Variants in MSH4 observed in about 807,000 individuals in gnomAD.
MSH4 encodes mutS protein homolog 4.
MSH4 carries 106 observed loss-of-function variants against 113.7 expected under a neutral mutation model. The ratio of observed to expected loss-of-function variants is 0.93; its 90% CI spans 0.80 to 1.10. MSH4 has a LOEUF of 1.10. Ranked by LOEUF, MSH4 falls within the 50% of genes least tolerant of loss-of-function variation. The probability of loss-of-function intolerance (pLI) is 0.00; values close to 1 mark genes in which losing one functional copy is unlikely to be tolerated. For missense variants in MSH4, 1,061 were observed against 1,093.7 expected, an observed-to-expected ratio of 0.97 and a Z score of 0.42; for synonymous variants, 368 against 380.2, an observed-to-expected ratio of 0.97 and a Z score of 0.37.
At chr1:75,811,829 A>G (rs942583321) in intron 4 of MSH4, among the ~76,000 whole-genome samples, 20 of 152,218 alleles carry the variant, frequency 1.3e-4, no homozygotes, top group Non-Finnish European at 2.1e-4. Flanking sequence ...TTGGAGTCCA[A>G]TGAGTTCCTT....
chr1:75,907,587 G>T (rs1652686811), intron 19 of MSH4, among the ~76,000 whole-genome samples: 1 of 148,794 alleles, frequency 6.7e-6, no homozygotes, highest in African/African-American at 2.5e-5. Flanking sequence ...CTTTAAATAG[G>T]CATTCTACTC....
chr1:75,857,114 T>G (rs1465637677), intron 8 of MSH4, among the ~76,000 whole-genome samples: 1 of 152,216 alleles, frequency 6.6e-6, no homozygotes, highest in Admixed American at 6.5e-5. Flanking sequence ...TCATATCCTT[T>G]GCCCATTTTT....
intron 15 of MSH4, among the ~76,000 whole-genome samples, chr1:75,884,935 G>A (rs1652029303): frequency 1.3e-5 from 2 of 149,816 alleles, no homozygotes; most frequent in South Asian, 4.2e-4. Flanking sequence ...ATTTGAATTA[G>A]CTATGAGGAG....
intron 7 of MSH4, among the ~76,000 whole-genome samples, chr1:75,824,963 A>G (rs1395529094): frequency 2.5e-5 from 3 of 121,364 alleles, no homozygotes; most frequent in East Asian, 4.7e-4. Flanking sequence ...TTCATTCCAT[A>G]TGAAATTTAA....
intron 19 of MSH4, among the ~76,000 whole-genome samples, chr1:75,909,173 T>C (rs913520756): frequency 6.6e-6 from 1 of 152,176 alleles, no homozygotes; most frequent in Non-Finnish European, 1.5e-5. Context: ...GGAAGCTGGC[T>C]ATCCACCTCA....
chr1:75,828,867 G>T (rs1016156372), intron 7 of MSH4, among the ~76,000 whole-genome samples: 1 of 152,160 alleles, frequency 6.6e-6, no homozygotes, highest in Non-Finnish European at 1.5e-5. Context: ...GCTCCAGTCT[G>T]CAGCTCCCAG....
chr1:75,885,866 TATGTATTATATAGTATATATTATATATG>T (rs1446158657), intron 15 of MSH4, among the ~76,000 whole-genome samples: 7 of 129,518 alleles, frequency 5.4e-5, no homozygotes, highest in Admixed American at 9.0e-5. Context: ...TAATGTATTA[TATGTATTATATAGTATATATTATATATG>T]ATGTATTATT....
intron 1 of MSH4, among the ~76,000 whole-genome samples, 198 bp from the exon 2 acceptor site, chr1:75,803,533 C>T (rs1649986756): frequency 6.6e-6 from 1 of 152,064 alleles, no homozygotes; most frequent in Non-Finnish European, 1.5e-5. Flanking sequence ...AGGAGGATCA[C>T]TTGAACTTGG....
At chr1:75,828,970 A>G (rs1570953147) in intron 7 of MSH4, among the ~76,000 whole-genome samples, 1 of 151,994 alleles carries the variant, frequency 6.6e-6, no homozygotes, top group South Asian at 2.1e-4. Context: ...GGTACAGCCC[A>G]TGGAGCAGGG....
chr1:75,796,892 C>G lies in MSH4; in HGVS notation c.-94C>G. 3 of 1,562,740 alleles carry G rather than the reference C, an allele frequency of 1.9e-6. No individual in the cohort carries two copies. Among genetic ancestry groups the G allele is most frequent in the East Asian group, 2.2e-5 (1 of 44,496 alleles). ...GCTTAGTGCGTCGGCGCGCAGTTCTCCCGCCCGTTTCAGCGGCGCAGCTTC... is the reference window on the plus strand; with the variant it reads ...GCTTAGTGCGTCGGCGCGCAGTTCTGCCGCCCGTTTCAGCGGCGCAGCTTC... On this transcript the variant is annotated 5_prime_UTR_variant, in exon 1 of 20. Coordinates refer to ENST00000263187, the MANE Select transcript of MSH4 (RefSeq NM_002440.4).
chr1:75,817,226 ACTT>A (rs983301454), intron 6 of MSH4, among the ~76,000 whole-genome samples: 1 of 152,192 alleles, frequency 6.6e-6, no homozygotes, highest in African/African-American at 2.4e-5. Flanking sequence ...GGGTAAAGGA[ACTT>A]AATAGACATT....
rs536904837 is a variant in MSH4 at position 75,799,278 on chromosome 1, A to T, written c.244+2049A>T. ...TCCTCACAATAATTTTGCAGAGTAG[A>T]TTTTTTTTTTGTTCCTGTTTTACAG... On this transcript the variant is annotated intron_variant, in intron 1 of 19. Transcript: ENST00000263187. Among the ~76,000 whole-genome samples the T allele has an allele frequency of 2.5e-3, 374 of 150,380 alleles. 1 individual carries two copies. The highest frequency in any genetic ancestry group is 8.6e-3 in the African/African-American group (352 of 41,048).
chr1:75,838,515 G>A (rs1650881776), intron 7 of MSH4, among the ~76,000 whole-genome samples: 2 of 152,140 alleles, frequency 1.3e-5, no homozygotes, highest in Admixed American at 1.3e-4. Flanking sequence ...GGGTCTGGGG[G>A]AGGGTGGTGG....
Position 75,905,486 on chromosome 1 carries a change from C to T in MSH4, c.2619+5780C>T, listed in dbSNP as rs539471219. Among the ~76,000 whole-genome samples, 27 of 152,138 alleles carry T rather than the reference C, an allele frequency of 1.8e-4. No homozygotes were observed. In the East Asian group the frequency reaches 5.2e-3, roughly 29 times the overall value. On this transcript the variant is annotated intron_variant, in intron 19 of 19. Transcript: ENST00000263187. ...CCTAATGTATTGTTTATCCTGGAGA[C>T]TGTTTCATGTGATGATGAGAAGAAT... is the stretch of plus-strand genomic sequence containing the variant.
intron 15 of MSH4, among the ~76,000 whole-genome samples, chr1:75,885,499 T>C (rs1175805112): frequency 3.3e-5 from 3 of 89,630 alleles, no homozygotes; most frequent in Non-Finnish European, 7.0e-5. Flanking sequence ...TGGGTACATA[T>C]ATATATACAT....
intron 17 of MSH4, among the ~76,000 whole-genome samples, chr1:75,892,296 A>T (rs138256071): frequency 1.4e-3 from 220 of 152,242 alleles, no homozygotes; most frequent in African/African-American, 5.2e-3. Flanking sequence ...AGCCCATTTT[A>T]GACCTTGGTA....
intron 4 of MSH4, among the ~76,000 whole-genome samples, 181 bp from the exon 5 acceptor site, chr1:75,814,840 T>C (rs1650263065): frequency 6.6e-6 from 1 of 152,188 alleles, no homozygotes; most frequent in South Asian, 2.1e-4. Flanking sequence ...TACAAACTAC[T>C]ATAATTCACT....
chr1:75,885,059 G>GTGTA (rs1300289205), intron 15 of MSH4, among the ~76,000 whole-genome samples: 8 of 112,556 alleles, frequency 7.1e-5, no homozygotes, highest in South Asian at 5.2e-4. Flanking sequence ...GTGTGTGTGT[G>GTGTA]TATATATATA....
chr1:75,840,737 C>T (rs1055055270), intron 7 of MSH4, among the ~76,000 whole-genome samples: 2 of 151,622 alleles, frequency 1.3e-5, no homozygotes, highest in African/African-American at 2.4e-5. Flanking sequence ...AACCCATTAC[C>T]TCCTTTATTA....
Sources: gnomAD v4.1 joint callset for allele counts (sites outside exome capture counted in the v4.1 genomes callset) on GRCh38, gnomAD v4.1.1 for gene constraint, MANE v1.5 for transcripts, NCBI Gene and HGNC (gene_info 2026-07-23, HGNC 2026-07-21) for gene names.